ADAM32: variants seen among roughly 807,000 people sequenced by gnomAD.
The protein encoded by ADAM32 is ADAM metallopeptidase domain 32, also known as disintegrin and metalloproteinase domain-containing protein 32.
ADAM32 carries 89 observed loss-of-function variants against 114.9 expected under a neutral mutation model. The ratio of observed to expected loss-of-function variants is 0.77; its 90% CI spans 0.65 to 0.92. The LOEUF (loss-of-function observed/expected upper bound fraction) is 0.92. Among genes scored for constraint, ADAM32 ranks in the 40% least tolerant of loss-of-function variants. The probability of loss-of-function intolerance (pLI) is 0.00; values close to 1 mark genes in which losing one functional copy is unlikely to be tolerated. For synonymous variants in ADAM32, 285 were observed against 307.5 expected (o/e 0.93, Z 0.77); for missense variants, 870 against 932.8 (o/e 0.93, Z 0.88).
intron 14 of ADAM32, among the ~76,000 whole-genome samples, chr8:39,230,667 C>T (rs778669048): frequency 2.6e-5 from 4 of 152,024 alleles, no homozygotes; most frequent in Non-Finnish European, 5.9e-5. Context: ...ATACAATCTC[C>T]TGTGATGGGC....
chr8:39,194,476 G>A (rs765614729), intron 11 of ADAM32, among the ~76,000 whole-genome samples: 2 of 152,160 alleles, frequency 1.3e-5, no homozygotes, highest in Admixed American at 1.3e-4. Flanking sequence ...CACCAGCAAA[G>A]CACTGTAGGT....
At chr8:39,127,262 C>A (rs1020031707) in intron 2 of ADAM32, among the ~76,000 whole-genome samples, 2 of 151,772 alleles carry the variant, frequency 1.3e-5, no homozygotes, top group African/African-American at 4.8e-5. Flanking sequence ...TTTTCTTTGT[C>A]TTCTTTTTAC....
intron 14 of ADAM32, chr8:39,224,252 C>T (rs1190736150): frequency 6.6e-6 from 1 of 152,078 alleles, no homozygotes; most frequent in Non-Finnish European, 1.5e-5. Flanking sequence ...GTGCACATAT[C>T]TCTTTTGCAA....
In ADAM32 at chr8:39,252,867, A is replaced by G. The variant is rs1188392657; in HGVS notation, c.1903-1547A>G. Among the ~76,000 whole-genome samples the G allele has an allele frequency of 5.3e-5, 8 of 151,692 alleles. No individual in the cohort carries two copies. The South Asian group carries it at 1.2e-3, about 24-fold the overall frequency. ...AACCTGCCAAGACTGAATCAAGAATAAATAGCCTGAACAGAACAATAACAA... is the reference window on the plus strand; with the variant it reads ...AACCTGCCAAGACTGAATCAAGAATGAATAGCCTGAACAGAACAATAACAA... On this transcript the variant is annotated intron_variant, in intron 17 of 24. Transcript: ENST00000379907.
intron 2 of ADAM32, among the ~76,000 whole-genome samples, chr8:39,124,431 T>G (rs1422285205): frequency 3.5e-5 from 4 of 112,822 alleles, no homozygotes; most frequent in Non-Finnish European, 5.8e-5. Flanking sequence ...TTTTTTTTTA[T>G]TTTTGAGACG....
intron 22 of ADAM32, 85 bp downstream of exon 22, chr8:39,275,951 GCTAA>G: frequency 1.5e-6 from 2 of 1,303,156 alleles, no homozygotes; most frequent in Non-Finnish European, 2.1e-6. Context: ...ACAATTACTT[GCTAA>G]CTATTAACTG....
chr8:39,130,772 T>A (rs1374415457), intron 2 of ADAM32: 13 of 402,402 alleles, frequency 3.2e-5, no homozygotes, highest in South Asian at 9.1e-5. Context: ...TGACTTCAGT[T>A]TTATTTTCTG....
At chr8:39,196,730 A>G (rs1287389008) in intron 11 of ADAM32, among the ~76,000 whole-genome samples, 2 of 152,042 alleles carry the variant, frequency 1.3e-5, no homozygotes, top group Non-Finnish European at 2.9e-5. Context: ...TTGTTGGATT[A>G]GGTTTACTAA....
chr8:39,119,981 G>A (rs1384674153), intron 2 of ADAM32, among the ~76,000 whole-genome samples: 1 of 152,108 alleles, frequency 6.6e-6, no homozygotes, highest in African/African-American at 2.4e-5. Context: ...AATATACTAG[G>A]GGTTCATGCA....
chr8:39,212,175 C>G (rs1477072773), intron 12 of ADAM32, among the ~76,000 whole-genome samples: 1 of 152,036 alleles, frequency 6.6e-6, no homozygotes, highest in Non-Finnish European at 1.5e-5. Context: ...TGCCATCATG[C>G]CTGGCTAAGT....
chr8:39,171,322 CA>C (rs1805176894), intron 10 of ADAM32, among the ~76,000 whole-genome samples: 1 of 151,996 alleles, frequency 6.6e-6, no homozygotes, highest in African/African-American at 2.4e-5. Context: ...AGCTAGAGGA[CA>C]AGATTTGGAT....
chr8:39,149,548 A>G (rs541644441), intron 4 of ADAM32, among the ~76,000 whole-genome samples: 2 of 152,300 alleles, frequency 1.3e-5, no homozygotes, highest in East Asian at 3.9e-4. Context: ...AACATGAGAC[A>G]ACATTTTGGA....
At chr8:39,253,096 A>G (rs1020184124) in intron 17 of ADAM32, among the ~76,000 whole-genome samples, 4 of 151,642 alleles carry the variant, frequency 2.6e-5, no homozygotes, top group Non-Finnish European at 5.9e-5. Flanking sequence ...AAAGAATCAT[A>G]CACTATGACC....
intron 22 of ADAM32, among the ~76,000 whole-genome samples, chr8:39,276,642 G>C (rs1267051246): frequency 1.3e-5 from 2 of 152,144 alleles, no homozygotes; most frequent in African/African-American, 2.4e-5. Flanking sequence ...GATTTCTTTT[G>C]TTCCAGAAGA....
chr8:39,231,009 T>A (rs1809700386), intron 14 of ADAM32, among the ~76,000 whole-genome samples: 1 of 152,202 alleles, frequency 6.6e-6, no homozygotes, highest in Non-Finnish European at 1.5e-5. Flanking sequence ...AAACCTTGGA[T>A]AATTCCCTCC....
intron 2 of ADAM32, among the ~76,000 whole-genome samples, chr8:39,118,948 G>C (rs1002579372): frequency 2.0e-5 from 3 of 152,114 alleles, no homozygotes; most frequent in African/African-American, 7.2e-5. Context: ...CTGATCTGTT[G>C]TCTATCTCTA....
intron 14 of ADAM32, chr8:39,224,282 A>G (rs919061387): frequency 6.6e-6 from 1 of 152,184 alleles, no homozygotes; most frequent in African/African-American, 2.4e-5. Flanking sequence ...ATTTCCTTTG[A>G]ATCTATACTC....
At chr8:39,254,659 A>G (rs1378809932) in intron 18 of ADAM32, 143 bp downstream of exon 18, 11 of 562,364 alleles carry the variant, frequency 2.0e-5, no homozygotes, top group Non-Finnish European at 2.9e-5. Context: ...AGGAATGGAA[A>G]CCAAACATGC....
chr8:39,263,818 T>A (rs961250576), intron 19 of ADAM32, among the ~76,000 whole-genome samples: 6 of 152,344 alleles, frequency 3.9e-5, no homozygotes, highest in African/African-American at 1.4e-4. Flanking sequence ...GTCTGGTTTC[T>A]ATACCATAGC....
Sources: allele counts gnomAD v4.1 joint callset (sites outside exome capture counted in the v4.1 genomes callset), GRCh38; gene constraint gnomAD v4.1.1; transcripts MANE v1.5; gene names NCBI Gene and HGNC (gene_info 2026-07-23, HGNC 2026-07-21).